TBC1D5: variants seen among roughly 807,000 people sequenced by gnomAD.
TBC1D5 encodes TBC1 domain family member 5, also known as TBC1 domain family, member 5.
A neutral mutation model predicts 100.3 loss-of-function variants in TBC1D5; 75 were observed. The ratio of observed to expected loss-of-function variants is 0.75; its 90% CI spans 0.62 to 0.91. The LOEUF is 0.91. Among genes scored for constraint, TBC1D5 ranks in the 40% least tolerant of loss-of-function variants. The probability of loss-of-function intolerance (pLI) is 0.00; values close to 1 mark genes in which losing one functional copy is unlikely to be tolerated. For missense variants in TBC1D5, 910 were observed against 942.4 expected, an observed-to-expected ratio of 0.97 and a Z score of 0.45; for synonymous variants, 323 against 325.6, an observed-to-expected ratio of 0.99 and a Z score of 0.09.
intron 18 of TBC1D5, among the ~76,000 whole-genome samples, chr3:17,198,303 C>T (rs1027139304): frequency 6.6e-6 from 1 of 152,088 alleles, no homozygotes; most frequent in Admixed American, 6.5e-5. Context: ...TGGGCAGTGG[C>T]TGGGCCTGAT....
At chr3:17,664,568 G>C (rs2067021883) in intron 1 of TBC1D5, among the ~76,000 whole-genome samples, 1 of 152,138 alleles carries the variant, frequency 6.6e-6, no homozygotes, top group Non-Finnish European at 1.5e-5. Flanking sequence ...CATTCTGATG[G>C]GGAGGGAGAG....
intron 15 of TBC1D5, among the ~76,000 whole-genome samples, chr3:17,258,903 T>G (rs1175570782): frequency 6.6e-6 from 1 of 152,116 alleles, no homozygotes; most frequent in East Asian, 1.9e-4. Flanking sequence ...ATCTAAAAAC[T>G]ATATGAGATG....
At chr3:17,221,111 A>G (rs1356221448) in intron 17 of TBC1D5, among the ~76,000 whole-genome samples, 1 of 151,992 alleles carries the variant, frequency 6.6e-6, no homozygotes, top group Non-Finnish European at 1.5e-5. Flanking sequence ...CCTTTAAAAA[A>G]CCATACGGGA....
chr3:17,481,999 C>A (rs1200946609), intron 3 of TBC1D5, among the ~76,000 whole-genome samples: 1 of 152,202 alleles, frequency 6.6e-6, no homozygotes, highest in East Asian at 1.9e-4. Flanking sequence ...CCTTGGCTTC[C>A]CAAAGTGCTG....
At chr3:17,318,551 T>C (rs771957891) in intron 13 of TBC1D5, among the ~76,000 whole-genome samples, 10 of 152,094 alleles carry the variant, frequency 6.6e-5, no homozygotes, top group Non-Finnish European at 1.2e-4. Flanking sequence ...TCTGTAATCA[T>C]TGACCCAAAG....
In TBC1D5 at chr3:17,489,447, T is replaced by C. The variant is rs963248654; in HGVS notation, c.97+19027A>G. On this transcript the variant is annotated intron_variant, in intron 3 of 21. Transcript: ENST00000253692. ...CCTATGAACCTCTTTCCTTGAAATC[T>C]GTATATTCTTCAATTTTCTTGTATT... is the stretch of plus-strand genomic sequence containing the variant. Among the ~76,000 whole-genome samples the C allele has an allele frequency of 2.0e-5, 3 of 152,314 alleles. No homozygotes were observed. The East Asian group carries it at 5.8e-4, about 29-fold the overall frequency.
intron 8 of TBC1D5, among the ~76,000 whole-genome samples, chr3:17,394,214 C>G (rs2093437111): frequency 6.6e-6 from 1 of 152,114 alleles, no homozygotes; most frequent in South Asian, 2.1e-4. Context: ...GTCTCCATCA[C>G]TTTTTGAATA....
intron 3 of TBC1D5, among the ~76,000 whole-genome samples, chr3:17,444,268 A>C (rs761989521): frequency 3.3e-5 from 5 of 152,148 alleles, no homozygotes; most frequent in Admixed American, 6.5e-5. Context: ...AAAGAAAAAG[A>C]AAAGTAGACA....
intron 2 of TBC1D5, among the ~76,000 whole-genome samples, chr3:17,591,865 C>G (rs550615870): frequency 6.6e-6 from 1 of 152,310 alleles, no homozygotes; most frequent in Non-Finnish European, 1.5e-5. Context: ...CTGCCATCAT[C>G]AAGGACTTCA....
At chr3:17,275,652 A>C (rs2079911992) in intron 15 of TBC1D5, among the ~76,000 whole-genome samples, 1 of 152,244 alleles carries the variant, frequency 6.6e-6, no homozygotes, top group South Asian at 2.1e-4. Context: ...AGAAGATGTC[A>C]TATCCCTTAT....
At chr3:17,298,407 T>C (rs1002779752) in intron 14 of TBC1D5, among the ~76,000 whole-genome samples, 9 of 152,212 alleles carry the variant, frequency 5.9e-5, no homozygotes, top group Non-Finnish European at 1.2e-4. Context: ...TAAAATTAAC[T>C]GCAACCTAGG....
At chr3:17,635,453 G>A (rs1212573449) in intron 1 of TBC1D5, among the ~76,000 whole-genome samples, 1 of 152,178 alleles carries the variant, frequency 6.6e-6, no homozygotes, top group African/African-American at 2.4e-5. Context: ...GGCCGAGGCA[G>A]GTGGATCACG....
chr3:17,630,618 T>C (rs1335831616), intron 1 of TBC1D5, among the ~76,000 whole-genome samples: 2 of 152,132 alleles, frequency 1.3e-5, no homozygotes, highest in Admixed American at 6.5e-5. Flanking sequence ...GATATGACAA[T>C]ACTGAAATTA....
chr3:17,727,235 G>T (rs546510570), intron 1 of TBC1D5, among the ~76,000 whole-genome samples: 3 of 152,014 alleles, frequency 2.0e-5, no homozygotes, highest in Non-Finnish European at 2.9e-5. Flanking sequence ...ACAAAAATTA[G>T]CTGGGCACGG....
intron 3 of TBC1D5, among the ~76,000 whole-genome samples, chr3:17,466,281 G>T (rs2095300126): frequency 6.6e-6 from 1 of 152,160 alleles, no homozygotes; most frequent in African/African-American, 2.4e-5. Context: ...ATATGAATCA[G>T]CTCTATTAGT....
At chr3:17,700,277 T>C (rs1240048510) in intron 1 of TBC1D5, among the ~76,000 whole-genome samples, 4 of 152,058 alleles carry the variant, frequency 2.6e-5, no homozygotes, top group Non-Finnish European at 5.9e-5. Context: ...GCTAGCCATA[T>C]GGAGAAAGCT....
At chr3:17,432,822 C>CA (rs2149419973) in intron 3 of TBC1D5, among the ~76,000 whole-genome samples, 2 of 152,236 alleles carry the variant, frequency 1.3e-5, no homozygotes, top group South Asian at 2.1e-4. Context: ...AAACAAAAGA[C>CA]AGAAAGCAGC....
chr3:17,578,595 A>G (rs1222568669), intron 2 of TBC1D5, among the ~76,000 whole-genome samples: 3 of 152,058 alleles, frequency 2.0e-5, no homozygotes, highest in African/African-American at 7.2e-5. Context: ...AAACTTAGAA[A>G]ATATCCTTGG....
At chr3:17,454,582 CCTGAGTAG>C (rs2095011033) in intron 3 of TBC1D5, among the ~76,000 whole-genome samples, 1 of 152,134 alleles carries the variant, frequency 6.6e-6, no homozygotes, top group Admixed American at 6.5e-5. Context: ...GCCTCAGCCT[CCTGAGTAG>C]CTGGGACTAC....
Sources: gnomAD v4.1 joint callset for allele counts (sites outside exome capture counted in the v4.1 genomes callset) on GRCh38, gnomAD v4.1.1 for gene constraint, MANE v1.5 for transcripts, NCBI Gene and HGNC (gene_info 2026-07-23, HGNC 2026-07-21) for gene names.